The following CFAP58 variants were observed in gnomAD, a reference collection of about 807,000 sequenced individuals.
The protein encoded by CFAP58 is cilia- and flagella-associated protein 58.
CFAP58 carries 88 observed loss-of-function variants against 119.5 expected under a neutral mutation model. The observed-to-expected ratio is 0.74, with a 90% CI of 0.62 to 0.88. The LOEUF (loss-of-function observed/expected upper bound fraction) is 0.88, where lower values mean the gene tolerates loss of function less well. CFAP58 is among the 40% of genes least tolerant of loss of function. The pLI is 0.00. For missense variants in CFAP58, 990 were observed against 1,021.2 expected (o/e 0.97, Z 0.42); for synonymous variants, 365 against 366.3 (o/e 1.00, Z 0.04).
In CFAP58 at chr10:104,376,791, T is replaced by C; in HGVS notation, c.1091-20T>C. 1 of 1,602,488 alleles carries C rather than the reference T, an allele frequency of 6.2e-7. No individual in the cohort carries two copies. On this transcript the variant is annotated intron_variant, in intron 7 of 17. Coordinates refer to ENST00000369704, the MANE Select transcript of CFAP58 (RefSeq NM_001008723.2). ...GGTCGACTCTACGTTTATTATTATT[T>C]TTTCTCCCTGGGGATTCAGAGGTAG...
At chr10:104,387,956 A>G (rs1194637919) in intron 9 of CFAP58, among the ~76,000 whole-genome samples, 1 of 152,250 alleles carries the variant, frequency 6.6e-6, no homozygotes, top group Non-Finnish European at 1.5e-5. Context: ...CCAGGAAATG[A>G]ATAATAATGT....
chr10:104,410,263 G>C (rs144103591), intron 15 of CFAP58, among the ~76,000 whole-genome samples: 252 of 152,310 alleles, frequency 1.7e-3, no homozygotes, highest in African/African-American at 5.2e-3. Flanking sequence ...CTACCCTGCT[G>C]TTTCCAAAAT....
chr10:104,388,688 G>A (rs1343074310), intron 9 of CFAP58, among the ~76,000 whole-genome samples: 3 of 152,160 alleles, frequency 2.0e-5, no homozygotes, highest in Non-Finnish European at 2.9e-5. Context: ...GTACATTAAG[G>A]GGTTCCAAAT....
chr10:104,425,184 T>C (rs2012723334), intron 15 of CFAP58, among the ~76,000 whole-genome samples: 1 of 152,042 alleles, frequency 6.6e-6, no homozygotes, highest in Admixed American at 6.6e-5. Context: ...GGTGTTGGTG[T>C]AGAAAAGGCC....
intron 17 of CFAP58, among the ~76,000 whole-genome samples, chr10:104,453,169 G>A (rs542028722): frequency 9.2e-5 from 14 of 152,234 alleles, no homozygotes. Context: ...GCAGGGGGAG[G>A]GGGAGTGATG....
chr10:104,397,744 GC>G (rs1468480865), intron 11 of CFAP58, among the ~76,000 whole-genome samples: 1 of 152,206 alleles, frequency 6.6e-6, no homozygotes, highest in Non-Finnish European at 1.5e-5. Flanking sequence ...GGAAAGCAGA[GC>G]TCTTCCTCCA....
intron 15 of CFAP58, among the ~76,000 whole-genome samples, chr10:104,441,993 A>G (rs2013044101): frequency 6.6e-6 from 1 of 152,180 alleles, no homozygotes; most frequent in African/African-American, 2.4e-5. Flanking sequence ...AGAGTTTCTA[A>G]TTTATTTTTC....
At chr10:104,404,801 C>G (rs567533004) in intron 14 of CFAP58, among the ~76,000 whole-genome samples, 4 of 152,036 alleles carry the variant, frequency 2.6e-5, no homozygotes, top group Admixed American at 1.3e-4. Context: ...AGCAGAGACA[C>G]GGTTTCACCG....
chr10:104,410,729 G>A (rs570211176), intron 15 of CFAP58, among the ~76,000 whole-genome samples: 23 of 152,122 alleles, frequency 1.5e-4, no homozygotes, highest in African/African-American at 5.1e-4. Context: ...TGCTTACTAT[G>A]TTCAGAACAC....
At chr10:104,430,223 A>T (rs1398692580) in intron 15 of CFAP58, among the ~76,000 whole-genome samples, 1 of 152,194 alleles carries the variant, frequency 6.6e-6, no homozygotes, top group African/African-American at 2.4e-5. Flanking sequence ...TTTGCCCATG[A>T]TAGCTCTCTG....
At chr10:104,392,639 CTT>C (rs35863751) in intron 10 of CFAP58, among the ~76,000 whole-genome samples, 2,198 of 123,880 alleles carry the variant, frequency 0.018, 20 homozygotes, top group African/African-American at 0.026. Flanking sequence ...CGTCTTTCTA[CTT>C]TTTTTTTTTT....
intron 13 of CFAP58, among the ~76,000 whole-genome samples, chr10:104,401,291 A>G (rs2012261077): frequency 2.0e-5 from 3 of 152,250 alleles, no homozygotes. Flanking sequence ...TTGAAATTTA[A>G]TCTGGTAACA....
intron 15 of CFAP58, among the ~76,000 whole-genome samples, chr10:104,429,860 A>G (rs1052050009): frequency 2.4e-4 from 35 of 146,460 alleles, no homozygotes; most frequent in South Asian, 4.3e-4. Flanking sequence ...ACAGGACACA[A>G]ATATAAACTC....
At chr10:104,348,245 C>A in the CFAP58 span, among the ~76,000 whole-genome samples, 1 of 152,150 alleles carries the variant, frequency 6.6e-6, no homozygotes, top group African/African-American at 2.4e-5. Flanking sequence ...TGACAGAGGT[C>A]GATTTCTGTC....
At chr10:104,447,496 T>G (rs1311989111) in intron 15 of CFAP58, among the ~76,000 whole-genome samples, 4 of 152,200 alleles carry the variant, frequency 2.6e-5, no homozygotes, top group Non-Finnish European at 5.9e-5. Context: ...TTATTACTTG[T>G]ATCCAAATGT....
At position 104,380,013 on chromosome 10, in the gene CFAP58, G is replaced by A. The variant is rs375550908; in HGVS notation, c.1174-16G>A. 63 of 1,607,880 alleles carry A rather than the reference G, an allele frequency of 3.9e-5. No individual in the cohort carries two copies. The highest frequency in any genetic ancestry group is 5.0e-5 in the Non-Finnish European group (59 of 1,177,118). The stretch of plus-strand genomic sequence containing the variant: ...ACATTATGAGTAATGTGACTGCTTT[G>A]TGCCCTTATTTTTAGAACATGCTTA... On this transcript the variant is annotated splice_polypyrimidine_tract_variant and intron_variant, in intron 8 of 17. Coordinates refer to ENST00000369704, the MANE Select transcript of CFAP58 (RefSeq NM_001008723.2).
the CFAP58 span, among the ~76,000 whole-genome samples, chr10:104,344,251 C>T: frequency 6.6e-6 from 1 of 152,248 alleles, no homozygotes; most frequent in Non-Finnish European, 1.5e-5. Context: ...GCCTTTGACA[C>T]AGATCATTAT....
chr10:104,433,306 T>C (rs528363585), intron 15 of CFAP58, among the ~76,000 whole-genome samples: 311 of 152,318 alleles, frequency 2.0e-3, no homozygotes, highest in Non-Finnish European at 3.4e-3. Flanking sequence ...CAGGCTGGTC[T>C]TGAATTCCTG....
intron 15 of CFAP58, among the ~76,000 whole-genome samples, chr10:104,424,694 C>T (rs2012714600): frequency 6.6e-6 from 1 of 152,150 alleles, no homozygotes; most frequent in African/African-American, 2.4e-5. Context: ...GACACCTAAA[C>T]ACGACATTCT....
Sources: allele counts gnomAD v4.1 joint callset (sites outside exome capture counted in the v4.1 genomes callset), GRCh38; gene constraint gnomAD v4.1.1; transcripts MANE v1.5; gene names NCBI Gene and HGNC (gene_info 2026-07-23, HGNC 2026-07-21).